The following DCAF10 variants were observed in gnomAD, a reference collection of about 807,000 sequenced individuals.
DCAF10 encodes the protein DDB1 and CUL4 associated factor 10.
Under a neutral mutation model 51.9 loss-of-function variants are expected in DCAF10, and 19 were observed. That is an observed-to-expected ratio of 0.37 (90% confidence interval 0.26 to 0.54). The LOEUF is 0.54. Ranked by LOEUF, DCAF10 falls within the 20% of genes least tolerant of loss-of-function variation. The probability of loss-of-function intolerance (pLI) is 0.87; values close to 1 mark genes in which losing one functional copy is unlikely to be tolerated. For missense variants in DCAF10, 510 were observed against 730.6 expected, an observed-to-expected ratio of 0.70 and a Z score of 3.48; for synonymous variants, 291 against 297.1, an observed-to-expected ratio of 0.98 and a Z score of 0.21.
intron 3 of DCAF10, among the ~76,000 whole-genome samples, chr9:37,843,466 T>A (rs1589105474): frequency 6.6e-6 from 1 of 152,182 alleles, no homozygotes; most frequent in Non-Finnish European, 1.5e-5. Context: ...ATGAATTTGT[T>A]TACTAAAATT....
rs930001485 is a variant in DCAF10 at position 37,835,624 on chromosome 9, G to C, written c.654-6465G>C. Among the ~76,000 whole-genome samples the C allele has an allele frequency of 1.1e-3, 174 of 151,878 alleles. 2 individuals carry two copies. Among genetic ancestry groups the C allele is most frequent in the Non-Finnish European group, 2.9e-4 (20 of 67,940 alleles). On this transcript the variant is annotated intron_variant, in intron 2 of 6. Coordinates refer to ENST00000377724, the MANE Select transcript of DCAF10 (RefSeq NM_024345.5). ...GTGGTGGCGGGCACCTGTAATCCCA[G>C]CTACTTAGGAGGCTCAAGCAGGAGA...
At chr9:37,805,564 G>T (rs1219522967) in intron 1 of DCAF10, among the ~76,000 whole-genome samples, 1 of 151,936 alleles carries the variant, frequency 6.6e-6, no homozygotes, top group Non-Finnish European at 1.5e-5. Context: ...TTAACTTTGG[G>T]CTTTAATAGG....
At chr9:37,816,659 G>GGGGGGGTGTGTGTGTGTGTGTGTGTGTGT (rs372664140) in intron 1 of DCAF10, among the ~76,000 whole-genome samples, 1 of 144,890 alleles carries the variant, frequency 6.9e-6, no homozygotes, top group Admixed American at 7.0e-5. Context: ...CTGCACCTGG[G>GGGGGGGTGTGTGTGTGTGTGTGTGTGTGT]GTGTGTGTGT....
Position 37,846,877 on chromosome 9 carries a change from T to C in DCAF10, c.851+4591T>C, listed in dbSNP as rs140013501. ...CAGTCCTTCACAAACTCTTCCAGAA[T>C]ATAGAGGAGACAGGATATTTTCCAA... is the stretch of plus-strand genomic sequence containing the variant. On this transcript the variant is annotated intron_variant, in intron 3 of 6. Transcript: ENST00000377724. 5.2e-3 allele frequency among the ~76,000 whole-genome samples: 791 copies of C among 152,226 alleles called. 3 individuals carry two copies. Among genetic ancestry groups the C allele is most frequent in the Non-Finnish European group, 8.2e-3 (555 of 68,004 alleles).
At position 37,842,230 on chromosome 9, in the gene DCAF10, A is replaced by G. The variant is rs1830356073; in HGVS notation, c.795A>G (p.Thr265=). The G allele has an allele frequency of 1.2e-6, 2 of 1,613,952 alleles. No homozygotes were observed. The highest frequency in any genetic ancestry group is 1.1e-5 in the South Asian group (1 of 91,070). ...WVKNIEYDTN[T]RLLVTSGFDG... ...AGAACATCGAATATGATACTAATAC[A>G]AGACTCTTAGTAACATCAGGATTTG... is the stretch of plus-strand genomic sequence containing the variant. The change falls in exon 3 of 7, where the codon ACA becomes ACG. Residue 265 remains threonine, a synonymous_variant. Transcript: ENST00000377724.
At chr9:37,828,011 G>A (rs1829902191) in intron 2 of DCAF10, among the ~76,000 whole-genome samples, 1 of 152,202 alleles carries the variant, frequency 6.6e-6, no homozygotes, top group South Asian at 2.1e-4. Context: ...AGCCTCCCGA[G>A]TAGCTGGGAC....
At chr9:37,849,940 T>A (rs1245914840) in intron 3 of DCAF10, among the ~76,000 whole-genome samples, 2 of 152,034 alleles carry the variant, frequency 1.3e-5, no homozygotes, top group East Asian at 3.9e-4. Context: ...GTGCCTGTAG[T>A]CCCAGGTACT....
intron 2 of DCAF10, chr9:37,836,361 G>A (rs562108437): frequency 1.9e-6 from 3 of 1,610,838 alleles, no homozygotes; most frequent in East Asian, 2.2e-5. Context: ...GCCAATCTGG[G>A]AAACACTATC....
At chr9:37,813,534 G>A (rs1001762123) in intron 1 of DCAF10, among the ~76,000 whole-genome samples, 98 of 152,336 alleles carry the variant, frequency 6.4e-4, no homozygotes, top group African/African-American at 2.2e-3. Context: ...ATGATTGTCA[G>A]ATCAGATTTT....
At chr9:37,805,534 TG>T (rs1272057003) in intron 1 of DCAF10, among the ~76,000 whole-genome samples, 1 of 152,004 alleles carries the variant, frequency 6.6e-6, no homozygotes, top group Non-Finnish European at 1.5e-5. Context: ...TTTATGTATT[TG>T]GGGGGATAAT....
intron 1 of DCAF10, among the ~76,000 whole-genome samples, chr9:37,817,033 T>A (rs1003812488): frequency 5.6e-4 from 85 of 152,272 alleles, no homozygotes; most frequent in African/African-American, 1.9e-3. Flanking sequence ...GAAATTAAGA[T>A]AGTGTGATGT....
chr9:37,816,690 GTA>G (rs1210249070), intron 1 of DCAF10, among the ~76,000 whole-genome samples: 2 of 151,540 alleles, frequency 1.3e-5, no homozygotes, highest in Non-Finnish European at 2.9e-5. Flanking sequence ...GTGTGTGTGT[GTA>G]TACATAAATT....
Position 37,801,545 on chromosome 9 carries a change from C to T in DCAF10, c.539+140C>T. The T allele has an allele frequency of 9.3e-7, 1 of 1,079,424 alleles. No homozygotes were observed. Among genetic ancestry groups the T allele is most frequent in the Non-Finnish European group, 1.2e-6 (1 of 821,454 alleles). The allele number at this position is 1,079,424 out of a possible 1,614,324, so 66.9% of individuals were successfully genotyped here. On this transcript the variant is annotated intron_variant, in intron 1 of 6. Coordinates refer to ENST00000377724, the MANE Select transcript of DCAF10 (RefSeq NM_024345.5). This position sits in a 1 kb window ranked among gnomAD's most constrained non-coding sequence, Gnocchi z 5.5. ...GGCCGCTGGCCTTCGTGCCTCCTGG[C>T]ACTTTCTGAAGCGCATTCTCGCCCT...
At position 37,853,524 on chromosome 9, in the gene DCAF10, A is replaced by G. The variant is rs934979415; in HGVS notation, c.852-1256A>G. Among the ~76,000 whole-genome samples the G allele has an allele frequency of 3.4e-4, 51 of 150,348 alleles. 1 individual carries two copies. The highest frequency in any genetic ancestry group is 2.9e-5 in the Non-Finnish European group (2 of 68,028). Reference sequence around the variant, plus strand: ...TGAGCAAAAAGATTGTTAAGCATGTATGTAAATCTCAATATACATTGACTG... The same window carrying G: ...TGAGCAAAAAGATTGTTAAGCATGTGTGTAAATCTCAATATACATTGACTG... On this transcript the variant is annotated intron_variant, in intron 3 of 6. Coordinates refer to ENST00000377724, the MANE Select transcript of DCAF10 (RefSeq NM_024345.5).
intron 1 of DCAF10, among the ~76,000 whole-genome samples, chr9:37,808,609 AAATAT>A (rs1339995824): frequency 5.9e-4 from 57 of 96,158 alleles, no homozygotes; most frequent in African/African-American, 1.5e-3. Context: ...TATAATATAA[AAATAT>A]AATATATTTA....
chr9:37,844,461 G>A (rs1221733696), intron 3 of DCAF10, among the ~76,000 whole-genome samples: 1 of 152,206 alleles, frequency 6.6e-6, no homozygotes, highest in Non-Finnish European at 1.5e-5. Flanking sequence ...GACCAGCCTG[G>A]CCAGCACGCA....
intron 3 of DCAF10, among the ~76,000 whole-genome samples, chr9:37,847,643 G>A (rs1830518408): frequency 6.6e-6 from 1 of 152,124 alleles, no homozygotes; most frequent in South Asian, 2.1e-4. Context: ...TACTGGAGGT[G>A]CAACATTGCA....
chr9:37,811,748 C>T (rs1829353756), intron 1 of DCAF10, among the ~76,000 whole-genome samples: 1 of 151,920 alleles, frequency 6.6e-6, no homozygotes, highest in Non-Finnish European at 1.5e-5. Flanking sequence ...GGGAAAAGAT[C>T]TTATAAATAT....
At chr9:37,827,786 TG>T (rs1168113116) in intron 2 of DCAF10, among the ~76,000 whole-genome samples, 1 of 152,214 alleles carries the variant, frequency 6.6e-6, no homozygotes, top group Non-Finnish European at 1.5e-5. Context: ...TGCATAAGGC[TG>T]GGACCCCAAA....
Sources: gnomAD v4.1 joint callset for allele counts (sites outside exome capture counted in the v4.1 genomes callset) on GRCh38, gnomAD v4.1.1 for gene constraint, Gnocchi (gnomAD v3.1) non-coding constraint, MANE v1.5 for transcripts, NCBI Gene and HGNC (gene_info 2026-07-23, HGNC 2026-07-21) for gene names.